The following ZFAND3 variants were observed in gnomAD, a reference collection of about 807,000 sequenced individuals.
ZFAND3 encodes zinc finger AN1-type containing 3, also known as AN1-type zinc finger protein 3.
ZFAND3 carries 10 observed loss-of-function variants against 29.6 expected under a neutral mutation model. That is an observed-to-expected ratio of 0.34 (90% CI 0.21 to 0.57). The LOEUF is 0.57. ZFAND3 is among the 20% of genes least tolerant of loss of function. ZFAND3 has a pLI of 0.86. For missense variants in ZFAND3, 230 were observed against 304.5 expected (o/e 0.76, Z 1.82); for synonymous variants, 128 against 112.6 (o/e 1.14, Z -0.87).
At chr6:38,144,415 T>C (rs73734311) in intron 5 of ZFAND3, among the ~76,000 whole-genome samples, 4,496 of 151,982 alleles carry the variant, frequency 0.03, 176 homozygotes, top group African/African-American at 0.086. Flanking sequence ...ATAGCTTCTG[T>C]CTGCTGGAGC....
intron 5 of ZFAND3, among the ~76,000 whole-genome samples, chr6:38,128,759 G>A (rs752137091): frequency 3.2e-4 from 49 of 152,240 alleles, no homozygotes; most frequent in Admixed American, 5.2e-4. Flanking sequence ...GGGCATTTGG[G>A]TTGGTTCTAC....
At chr6:38,061,485 C>CT (rs1416780399) in intron 2 of ZFAND3, 108 bp from the exon 3 acceptor site, 78 of 1,337,728 alleles carry the variant, frequency 5.8e-5, no homozygotes, top group Middle Eastern at 3.8e-4. Flanking sequence ...CCAGATCAGT[C>CT]TTTATTATTG....
chr6:38,072,539 A>G (rs1764477388), intron 3 of ZFAND3, among the ~76,000 whole-genome samples: 1 of 152,240 alleles, frequency 6.6e-6, no homozygotes, highest in African/African-American at 2.4e-5. Flanking sequence ...ACACAGCTTT[A>G]GCTCTTGCAC....
intron 1 of ZFAND3, among the ~76,000 whole-genome samples, chr6:37,849,688 G>A (rs1337945095): frequency 1.3e-5 from 2 of 152,190 alleles, no homozygotes; most frequent in African/African-American, 4.8e-5. Context: ...GGGATTACAG[G>A]CGTGAGCCAC....
intron 2 of ZFAND3, among the ~76,000 whole-genome samples, chr6:37,958,426 C>G (rs1762138100): frequency 6.8e-6 from 1 of 146,000 alleles, no homozygotes; most frequent in Non-Finnish European, 1.5e-5. Flanking sequence ...TGCACTTCAG[C>G]CTTAGTGACA....
chr6:37,838,647 T>G (rs1415645134), intron 1 of ZFAND3, among the ~76,000 whole-genome samples: 2 of 152,238 alleles, frequency 1.3e-5, no homozygotes, highest in East Asian at 3.8e-4. Flanking sequence ...CATGTTGTAG[T>G]GTACTTCATG....
In ZFAND3 at chr6:37,877,525, C is replaced by A. The variant is rs528648130; in HGVS notation, c.72-52434C>A. ...ATGTTTTTGCAAGCCTTGTGATAGA[C>A]TGGATGTGAGGTGAAAGAAGAGGAG... is the stretch of plus-strand genomic sequence containing the variant. On this transcript the variant is annotated intron_variant, in intron 1 of 5. Transcript: ENST00000287218. Among the ~76,000 whole-genome samples the A allele has an allele frequency of 2.0e-4, 29 of 141,474 alleles. No individual in the cohort carries two copies. The East Asian group carries it at 4.3e-3, about 21-fold the overall frequency. The allele number at this position is 141,474 out of a possible 152,430, so 92.8% of individuals were successfully genotyped here.
intron 2 of ZFAND3, among the ~76,000 whole-genome samples, chr6:38,019,981 A>C (rs1389827342): frequency 1.3e-5 from 2 of 152,204 alleles, no homozygotes; most frequent in East Asian, 3.8e-4. Flanking sequence ...TCGTCTTCCA[A>C]AGTGCTGGGA....
intron 2 of ZFAND3, among the ~76,000 whole-genome samples, chr6:37,942,066 T>C (rs1339209868): frequency 2.0e-5 from 3 of 152,180 alleles, no homozygotes; most frequent in African/African-American, 7.2e-5. Context: ...CTGTGTTTTT[T>C]AATCCAAACT....
intron 5 of ZFAND3, among the ~76,000 whole-genome samples, chr6:38,144,232 T>TA (rs147631639): frequency 0.047 from 2,281 of 48,098 alleles, 80 homozygotes; most frequent in South Asian, 0.066. Context: ...TATATATATA[T>TA]TTTTTTTTTA....
chr6:37,886,835 AAAAAC>A, intron 1 of ZFAND3, among the ~76,000 whole-genome samples: 1 of 152,270 alleles, frequency 6.6e-6, no homozygotes, highest in South Asian at 2.1e-4. Context: ...TCTCTACTAA[AAAAAC>A]AAAAAACCCC....
intron 2 of ZFAND3, among the ~76,000 whole-genome samples, chr6:37,962,044 T>TA (rs1175532067): frequency 1.3e-5 from 2 of 152,038 alleles, no homozygotes; most frequent in East Asian, 3.9e-4. Context: ...CCTGAAGAAA[T>TA]AGAGATATCA....
chr6:37,964,753 T>C (rs1762261114), intron 2 of ZFAND3, among the ~76,000 whole-genome samples: 1 of 152,244 alleles, frequency 6.6e-6, no homozygotes, highest in African/African-American at 2.4e-5. Flanking sequence ...ACTTTAGTTT[T>C]CTTTTATTAC....
chr6:38,069,323 T>A (rs567286152), intron 3 of ZFAND3, among the ~76,000 whole-genome samples: 1 of 152,336 alleles, frequency 6.6e-6, no homozygotes, highest in South Asian at 2.1e-4. Context: ...GTGGGGAGAT[T>A]TATTTACAGT....
chr6:38,061,827 G>C, intron 3 of ZFAND3, 52 bp downstream of exon 3: 1 of 1,585,674 alleles, frequency 6.3e-7, no homozygotes, highest in South Asian at 1.1e-5. Context: ...AAGAACTTTA[G>C]ATGAGCATCT....
At chr6:37,954,828 A>G (rs1251754496) in intron 2 of ZFAND3, among the ~76,000 whole-genome samples, 2 of 152,220 alleles carry the variant, frequency 1.3e-5, no homozygotes, top group African/African-American at 2.4e-5. Flanking sequence ...GTCTAGGACT[A>G]ATTATTCCAT....
intron 1 of ZFAND3, among the ~76,000 whole-genome samples, chr6:37,829,021 G>A (rs907048927): frequency 7.2e-5 from 11 of 152,098 alleles, no homozygotes; most frequent in African/African-American, 2.7e-4. Flanking sequence ...GTCCTTATGT[G>A]TTCGTGTGTG....
chr6:37,839,695 A>G (rs1327917052), intron 1 of ZFAND3, among the ~76,000 whole-genome samples: 1 of 150,896 alleles, frequency 6.6e-6, no homozygotes. Flanking sequence ...TTGTATTTTT[A>G]GTAGAGACGG....
At chr6:37,916,141 A>T (rs992188529) in intron 1 of ZFAND3, among the ~76,000 whole-genome samples, 1 of 152,066 alleles carries the variant, frequency 6.6e-6, no homozygotes, top group Non-Finnish European at 1.5e-5. Context: ...ATGGTGTCCC[A>T]AAACAATGAC....
Sources: allele counts gnomAD v4.1 joint callset (sites outside exome capture counted in the v4.1 genomes callset), GRCh38; gene constraint gnomAD v4.1.1; transcripts MANE v1.5; gene names NCBI Gene and HGNC (gene_info 2026-07-23, HGNC 2026-07-21).